ARHGEF37: variants seen among roughly 807,000 people sequenced by gnomAD.
ARHGEF37 encodes Rho guanine nucleotide exchange factor 37, also known as Rho guanine nucleotide exchange factor (GEF) 37.
In ARHGEF37, 55 loss-of-function variants were observed where a neutral mutation model predicts 71.1. The ratio of observed to expected loss-of-function variants is 0.77; its 90% CI spans 0.62 to 0.97. The LOEUF (loss-of-function observed/expected upper bound fraction) is 0.97, where lower values mean the gene tolerates loss of function less well. Among genes scored for constraint, ARHGEF37 ranks in the 50% least tolerant of loss-of-function variants. The probability of loss-of-function intolerance (pLI) is 0.00; values close to 1 mark genes in which losing one functional copy is unlikely to be tolerated. For missense variants in ARHGEF37, 765 were observed against 836.8 expected, an observed-to-expected ratio of 0.91 and a Z score of 1.06; for synonymous variants, 327 against 350.6, an observed-to-expected ratio of 0.93 and a Z score of 0.75.
chr5:149,564,915 T>C (rs1248642992), intron 1 of ARHGEF37, among the ~76,000 whole-genome samples: 1 of 152,260 alleles, frequency 6.6e-6, no homozygotes, highest in Admixed American at 6.5e-5. Context: ...CATCGTGATC[T>C]TAATGATTAT....
At chr5:149,553,789 CTT>C (rs1762716417) in intron 1 of ARHGEF37, among the ~76,000 whole-genome samples, 1 of 152,140 alleles carries the variant, frequency 6.6e-6, no homozygotes, top group Admixed American at 6.6e-5. Context: ...GAGATTTAGT[CTT>C]TTCACATATG....
chr5:149,614,035 A>G (rs1011547342), intron 4 of ARHGEF37, among the ~76,000 whole-genome samples: 1 of 151,780 alleles, frequency 6.6e-6, no homozygotes, highest in African/African-American at 2.4e-5. Context: ...AAGGGCTAGG[A>G]TTACAAGCAT....
In ARHGEF37 at chr5:149,609,414, G is replaced by T. The variant is rs187852665; in HGVS notation, c.311-134G>T. On this transcript the variant is annotated intron_variant, in intron 3 of 12. Transcript: ENST00000333677. ...GAAAGTCAGGAAGATGAGGTCATTTGCCCATGGTGACATGCTGGTAAACCC... is the reference window on the plus strand; with the variant it reads ...GAAAGTCAGGAAGATGAGGTCATTTTCCCATGGTGACATGCTGGTAAACCC... The T allele has an allele frequency of 2.2e-4, 206 of 924,410 alleles. 1 individual carries two copies. The African/African-American group carries it at 3.1e-3, about 14-fold the overall frequency. The allele number at this position is 924,410 out of a possible 1,614,324, so 57.3% of individuals were successfully genotyped here. A position where few individuals can be genotyped will look rare whatever the true frequency, so the allele number is the denominator to read the frequency against.
At position 149,618,204 on chromosome 5, in the gene ARHGEF37, G is replaced by T. The variant is rs772373560; in HGVS notation, c.687G>T (p.Leu229=). Reference sequence around the variant, plus strand: ...CCAAGTACACCAAGGTAGAGCAGCTGACCCTCCGGGAGCGGCTGGCCCGCA... The same window carrying T: ...CCAAGTACACCAAGGTAGAGCAGCTTACCCTCCGGGAGCGGCTGGCCCGCA... The part of the protein sequence containing the change: ...VASKYTKVEQ[L]TLRERLARIN... The change falls in exon 6 of 13, where the codon CTG becomes CTT. Residue 229 remains leucine, a synonymous_variant. Coordinates refer to ENST00000333677, the MANE Select transcript of ARHGEF37 (RefSeq NM_001001669.3). 3.1e-6 allele frequency: 5 copies of T among 1,614,170 alleles called. No homozygotes were observed. The highest frequency in any genetic ancestry group is 4.2e-6 in the Non-Finnish European group (5 of 1,180,014).
chr5:149,603,371 G>A (rs1365205877), intron 3 of ARHGEF37, among the ~76,000 whole-genome samples: 4 of 152,122 alleles, frequency 2.6e-5, no homozygotes, highest in Non-Finnish European at 4.4e-5. Context: ...TTTTACAGTT[G>A]AGGAATCTTT....
intron 3 of ARHGEF37, 59 bp from the exon 4 acceptor site, chr5:149,609,489 C>T (rs1764010326): frequency 6.3e-7 from 1 of 1,590,680 alleles, no homozygotes; most frequent in Admixed American, 1.7e-5. Flanking sequence ...CTCCCTGTTC[C>T]AAGCTAGGGG....
intron 3 of ARHGEF37, among the ~76,000 whole-genome samples, chr5:149,602,056 T>C (rs1163372012): frequency 8.3e-6 from 1 of 120,008 alleles, no homozygotes; most frequent in Non-Finnish European, 1.8e-5. Flanking sequence ...TTTTCTTTTC[T>C]TTCTTTTTTT....
chr5:149,607,933 A>AT (rs956329988), intron 3 of ARHGEF37, among the ~76,000 whole-genome samples: 3 of 150,970 alleles, frequency 2.0e-5, no homozygotes, highest in Admixed American at 6.6e-5. Context: ...TGCCTGGCAA[A>AT]TTTTTTTTGT....
chr5:149,564,604 C>A (rs1762877897), intron 1 of ARHGEF37, among the ~76,000 whole-genome samples: 1 of 152,176 alleles, frequency 6.6e-6, no homozygotes, highest in South Asian at 2.1e-4. Context: ...GCAGGTGGAT[C>A]ACCTGAGGCC....
chr5:149,618,856 C>A, intron 6 of ARHGEF37, 82 bp from the exon 7 acceptor site: 1 of 1,137,542 alleles, frequency 8.8e-7, no homozygotes, highest in Non-Finnish European at 1.3e-6. Flanking sequence ...GAAAGGTTGT[C>A]CCAGTGAGGA....
intron 3 of ARHGEF37, among the ~76,000 whole-genome samples, chr5:149,603,240 G>A (rs895524620): frequency 6.6e-6 from 1 of 152,104 alleles, no homozygotes; most frequent in Admixed American, 6.6e-5. Context: ...GCCTAAATAC[G>A]CAAACAAATC....
chr5:149,596,627 G>A (rs1258542023), intron 1 of ARHGEF37, among the ~76,000 whole-genome samples: 1 of 152,190 alleles, frequency 6.6e-6, no homozygotes, highest in East Asian at 1.9e-4. Context: ...ATAAGTTAGA[G>A]ATAAAGGATT....
At chr5:149,585,014 AAT>A (rs1404765658) in intron 1 of ARHGEF37, among the ~76,000 whole-genome samples, 1 of 152,216 alleles carries the variant, frequency 6.6e-6, no homozygotes, top group African/African-American at 2.4e-5. Flanking sequence ...TTGTCCAAAG[AAT>A]ATATATGGGT....
Position 149,632,825 on chromosome 5 carries a change from G to GT in ARHGEF37, c.*636dup, listed in dbSNP as rs1200160624. 1 of 154,566 alleles carries GT rather than the reference G, an allele frequency of 6.5e-6. No individual in the cohort carries two copies. Among genetic ancestry groups the GT allele is most frequent in the African/African-American group, 2.4e-5 (1 of 41,468 alleles). The allele number at this position is 154,566 out of a possible 1,614,324, so 9.6% of individuals were successfully genotyped here. A position where few individuals can be genotyped will look rare whatever the true frequency, so the allele number is the denominator to read the frequency against. On this transcript the variant is annotated 3_prime_UTR_variant, in exon 13 of 13. Transcript: ENST00000333677. ...TGGGAGTGGGTGTGACCAAGTCATA[G>GT]TTCTGGAATGTGTGTAGGCAAATTC...
intron 1 of ARHGEF37, among the ~76,000 whole-genome samples, chr5:149,593,520 A>G (rs1763466983): frequency 1.3e-5 from 2 of 152,234 alleles, no homozygotes; most frequent in South Asian, 2.1e-4. Flanking sequence ...CTTGAACAAC[A>G]TAGGGGTTGG....
At chr5:149,609,499 G>A (rs750375740) in intron 3 of ARHGEF37, 49 bp from the exon 4 acceptor site, 4 of 1,602,648 alleles carry the variant, frequency 2.5e-6, no homozygotes, top group African/African-American at 1.3e-5. Flanking sequence ...CAAGCTAGGG[G>A]ACACACAGAC....
chr5:149,556,530 G>A (rs1307378346), intron 1 of ARHGEF37, among the ~76,000 whole-genome samples: 3 of 152,178 alleles, frequency 2.0e-5, no homozygotes, highest in Non-Finnish European at 4.4e-5. Context: ...TGGGATTACA[G>A]GCATGTGCCA....
chr5:149,627,117 G>A lies in ARHGEF37; in HGVS notation c.1506G>A (p.Leu502=), dbSNP rs1226659077. 2 of 1,614,134 alleles carry A rather than the reference G, an allele frequency of 1.2e-6. No homozygotes were observed. Among genetic ancestry groups the A allele is most frequent in the Admixed American group, 1.7e-5 (1 of 60,036 alleles). ...PGSERQVQAL[L]SRYGPGKLYQ... The stretch of plus-strand genomic sequence containing the variant: ...CTGAACGCCAGGTGCAGGCTCTCCT[G>A]AGCAGGTATGGCCCTGGGAAGCTGT... The change falls in exon 11 of 13, where the codon CTG becomes CTA. Residue 502 remains leucine (L), a synonymous_variant. Coordinates refer to ENST00000333677, the MANE Select transcript of ARHGEF37 (RefSeq NM_001001669.3).
chr5:149,576,866 G>A (rs532382644), upstream of ARHGEF37, among the ~76,000 whole-genome samples: 2 of 152,260 alleles, frequency 1.3e-5, no homozygotes, highest in South Asian at 4.1e-4. Context: ...CAAGGCAGGA[G>A]AATCTCTTGA....
Sources: allele counts gnomAD v4.1 joint callset (sites outside exome capture counted in the v4.1 genomes callset), GRCh38; gene constraint gnomAD v4.1.1; transcripts MANE v1.5; gene names NCBI Gene and HGNC (gene_info 2026-07-23, HGNC 2026-07-21).